Variants in TJP2 observed in about 807,000 individuals in gnomAD.
TJP2 encodes the protein tight junction protein 2, also known as Friedreich ataxia region gene X104 (tight junction protein ZO-2).
TJP2 carries 91 observed loss-of-function variants against 133.1 expected under a neutral mutation model. The observed-to-expected ratio is 0.68, with a 90% CI of 0.58 to 0.81. The LOEUF (loss-of-function observed/expected upper bound fraction) is 0.81. Ranked by LOEUF, TJP2 falls within the 40% of genes least tolerant of loss-of-function variation. The probability of loss-of-function intolerance (pLI) is 0.00; values close to 1 mark genes in which losing one functional copy is unlikely to be tolerated. For synonymous variants in TJP2, 592 were observed against 583.4 expected (o/e 1.01, Z -0.21); for missense variants, 1,541 against 1,565.6 (o/e 0.98, Z 0.26).
intron 4 of TJP2, among the ~76,000 whole-genome samples, chr9:69,218,752 C>T (rs906387380): frequency 2.0e-5 from 3 of 152,176 alleles, no homozygotes; most frequent in African/African-American, 7.2e-5. Flanking sequence ...CATTAGAAGA[C>T]TGTCTATAAT....
At position 69,205,265 on chromosome 9, in the gene TJP2, TC is replaced by T. The variant is rs1452573962; in HGVS notation, c.61-7279del. The T allele has an allele frequency of 9.1e-6, 14 of 1,537,144 alleles. No homozygotes were observed. The Admixed American group carries it at 2.0e-4, about 22-fold the overall frequency. On this transcript the variant is annotated intron_variant, in intron 1 of 22. Coordinates refer to ENST00000377245, the MANE Select transcript of TJP2 (RefSeq NM_004817.4). ...CCCTCTGCAAGCTCTCCCCTTGTTT[TC>T]CCCAACCTTTCTTCATGGGAAGGGG...
At chr9:69,211,997 A>T (rs781160300) in intron 1 of TJP2, among the ~76,000 whole-genome samples, 2 of 152,198 alleles carry the variant, frequency 1.3e-5, no homozygotes, top group Non-Finnish European at 2.9e-5. Flanking sequence ...CTACTTTGGA[A>T]TATTGTCAGA....
chr9:69,215,994 A>T (rs1389470552), intron 2 of TJP2, among the ~76,000 whole-genome samples: 1 of 152,244 alleles, frequency 6.6e-6, no homozygotes, highest in African/African-American at 2.4e-5. Context: ...AGCTCGGGCC[A>T]GCATGATGCA....
At chr9:69,222,340 C>T (rs1370347411) in intron 5 of TJP2, among the ~76,000 whole-genome samples, 1 of 150,720 alleles carries the variant, frequency 6.6e-6, no homozygotes, top group Non-Finnish European at 1.5e-5. Context: ...CCACGCCCGG[C>T]TAATTTTTGT....
chr9:69,137,295 C>CT (rs1554768454), intron 1 of TJP2, among the ~76,000 whole-genome samples: 9,126 of 68,068 alleles, frequency 0.13, 564 homozygotes, highest in East Asian at 0.22. Context: ...TTCTTTCTTT[C>CT]TTTCTTTTCT....
chr9:69,235,453 G>T (rs1029056713), intron 12 of TJP2, among the ~76,000 whole-genome samples: 112 of 152,078 alleles, frequency 7.4e-4, no homozygotes, highest in African/African-American at 2.5e-3. Context: ...CTCCCGAGTA[G>T]CTGGGACTAC....
chr9:69,173,297 T>C (rs144339165), upstream of TJP2, among the ~76,000 whole-genome samples: 19 of 152,354 alleles, frequency 1.2e-4, no homozygotes, highest in African/African-American at 4.6e-4. Flanking sequence ...CCCAAGGTTA[T>C]ATTTTTAATC....
At chr9:69,208,411 A>G (rs562180054) in intron 1 of TJP2, among the ~76,000 whole-genome samples, 3 of 152,312 alleles carry the variant, frequency 2.0e-5, no homozygotes, top group Admixed American at 1.3e-4. Flanking sequence ...GTAGGAGATT[A>G]ATCGTCTCTC....
chr9:69,131,895 C>G (rs1038575952), intron 1 of TJP2, among the ~76,000 whole-genome samples: 4 of 152,146 alleles, frequency 2.6e-5, no homozygotes, highest in African/African-American at 7.2e-5. Context: ...TTCAATGATT[C>G]ACTAGGAGGA....
At chr9:69,218,734 A>AAG (rs1445227952) in intron 4 of TJP2, among the ~76,000 whole-genome samples, 2 of 152,242 alleles carry the variant, frequency 1.3e-5, no homozygotes, top group Non-Finnish European at 2.9e-5. Flanking sequence ...TTCATAGACT[A>AAG]AGAGTTTCAT....
intron 1 of TJP2, chr9:69,151,640 G>C: frequency 8.1e-7 from 1 of 1,232,082 alleles, no homozygotes. Flanking sequence ...TAACAACACT[G>C]TCTTTTCCAG....
chr9:69,222,177 AC>A, intron 5 of TJP2, among the ~76,000 whole-genome samples: 1 of 94,758 alleles, frequency 1.1e-5, no homozygotes, highest in South Asian at 3.2e-4. Context: ...TGGCCAGCTA[AC>A]TTTTTTTTTT....
At chr9:69,229,650 G>A (rs980647118) in intron 10 of TJP2, among the ~76,000 whole-genome samples, 5 of 152,138 alleles carry the variant, frequency 3.3e-5, no homozygotes, top group South Asian at 2.1e-4. Context: ...GTGCTGCTGC[G>A]CTCTGCACTT....
Position 69,126,031 on chromosome 9 carries a change from G to A in TJP2, c.-131+4306G>A, listed in dbSNP as rs1322554381. ...TCTTTTTTTCTCATTTTACGGAAGAGAAAATTGAGGCCACTTTGGGTCTTC... is the reference window on the plus strand; with the variant it reads ...TCTTTTTTTCTCATTTTACGGAAGAAAAAATTGAGGCCACTTTGGGTCTTC... On this transcript the variant is annotated intron_variant, in intron 1 of 5. Coordinates refer to the TJP2 transcript ENST00000423935. Among the ~76,000 whole-genome samples the A allele has an allele frequency of 2.6e-5, 2 of 76,534 alleles. 1 individual carries two copies. The highest frequency in any genetic ancestry group is 7.9e-5 in the African/African-American group (2 of 25,170). 50.2% of individuals were successfully genotyped at this position (76,534 alleles called of 152,430 possible). A position where few individuals can be genotyped will look rare whatever the true frequency, so the allele number is the denominator to read the frequency against.
chr9:69,253,931 GC>G (rs1213810878), intron 22 of TJP2: 1 of 486,964 alleles, frequency 2.1e-6, no homozygotes, highest in African/African-American at 1.9e-5. Flanking sequence ...TAGCCAGGGA[GC>G]TTAGGGGTAA....
intron 2 of TJP2, chr9:69,151,892 T>C (rs1386266227): frequency 2.3e-5 from 23 of 1,010,016 alleles, no homozygotes; most frequent in Non-Finnish European, 1.5e-5. Context: ...GTTGCTGATA[T>C]ATACATTTTC....
intron 15 of TJP2, 147 bp downstream of exon 15, chr9:69,238,120 TGC>T: frequency 1.5e-6 from 1 of 688,076 alleles, no homozygotes; most frequent in Non-Finnish European, 2.7e-6. Context: ...TCTCACCCAC[TGC>T]CTGCACCATA....
chr9:69,228,219 AGCTG>A, intron 9 of TJP2, 105 bp downstream of exon 9: 1 of 1,381,162 alleles, frequency 7.2e-7, no homozygotes, highest in Non-Finnish European at 1.0e-6. Context: ...ACGTGGATGC[AGCTG>A]GAGGCCATTA....
rs550513907 is a variant in TJP2 at position 69,251,785 on chromosome 9, A to G, written c.3321+421A>G. ...AGATTGTACTTTTTGAGCTGTTTGAATTTGTATACCATATGCACATAGAAC... is the reference window on the plus strand; with the variant it reads ...AGATTGTACTTTTTGAGCTGTTTGAGTTTGTATACCATATGCACATAGAAC... On this transcript the variant is annotated intron_variant, in intron 21 of 22. Transcript: ENST00000377245. Among the ~76,000 whole-genome samples the G allele has an allele frequency of 5.9e-5, 9 of 152,302 alleles. No homozygotes were observed. In the South Asian group the frequency reaches 1.9e-3, roughly 32 times the overall value.
Sources: allele counts gnomAD v4.1 joint callset (sites outside exome capture counted in the v4.1 genomes callset), GRCh38; gene constraint gnomAD v4.1.1; transcripts MANE v1.5; gene names NCBI Gene and HGNC (gene_info 2026-07-23, HGNC 2026-07-21).